ADAMTS20: variants seen among roughly 807,000 people sequenced by gnomAD.
ADAMTS20 encodes the protein ADAM metallopeptidase with thrombospondin type 1 motif 20, also known as A disintegrin and metalloproteinase with thrombospondin motifs 20.
Under a neutral mutation model 260.1 loss-of-function variants are expected in ADAMTS20, and 225 were observed. The observed-to-expected ratio is 0.87, with a 90% CI of 0.78 to 0.97. The LOEUF is 0.97. Among genes scored for constraint, ADAMTS20 ranks in the 50% least tolerant of loss-of-function variants. The pLI, the probability that ADAMTS20 is intolerant of heterozygous loss-of-function variation, is 0.00. For synonymous variants in ADAMTS20, 802 were observed against 769.5 expected (o/e 1.04, Z -0.70); for missense variants, 2,400 against 2,337.7 (o/e 1.03, Z -0.55).
chr12:43,461,815 C>T (rs531964782), intron 11 of ADAMTS20, among the ~76,000 whole-genome samples: 7 of 152,064 alleles, frequency 4.6e-5, no homozygotes, highest in African/African-American at 1.7e-4. Flanking sequence ...AACTCTTATC[C>T]ACCAAACAGA....
intron 5 of ADAMTS20, 128 bp from the exon 6 acceptor site, chr12:43,492,757 C>T: frequency 2.0e-6 from 2 of 1,002,454 alleles, no homozygotes; most frequent in Non-Finnish European, 2.9e-6. Flanking sequence ...GACAGCATCT[C>T]TTCTTCATAT....
intron 4 of ADAMTS20, among the ~76,000 whole-genome samples, chr12:43,493,594 C>A (rs1942637571): frequency 6.6e-6 from 1 of 152,136 alleles, no homozygotes; most frequent in African/African-American, 2.4e-5. Context: ...GATTCAGAGT[C>A]TGCACTTTAA....
intron 15 of ADAMTS20, among the ~76,000 whole-genome samples, chr12:43,446,183 CA>C (rs919351958): frequency 6.6e-6 from 1 of 151,654 alleles, no homozygotes; most frequent in African/African-American, 2.4e-5. Flanking sequence ...CAAGTCATAC[CA>C]AAAAAAGAAA....
At chr12:43,384,129 A>G (rs1424599605) in intron 29 of ADAMTS20, among the ~76,000 whole-genome samples, 152 bp from the exon 30 acceptor site, 2 of 152,244 alleles carry the variant, frequency 1.3e-5, no homozygotes, top group Non-Finnish European at 2.9e-5. Flanking sequence ...AAGTATTTTT[A>G]CCATTATCTC....
At chr12:43,358,338 TCTTAGTCCTCA>T (rs1456759958) in intron 37 of ADAMTS20, among the ~76,000 whole-genome samples, 1 of 152,198 alleles carries the variant, frequency 6.6e-6, no homozygotes, top group East Asian at 1.9e-4. Flanking sequence ...TTACTTCTGT[TCTTAGTCCTCA>T]CTTAGAAAGC....
intron 7 of ADAMTS20, among the ~76,000 whole-genome samples, chr12:43,472,804 C>T (rs1351670316): frequency 1.3e-5 from 2 of 151,332 alleles, no homozygotes; most frequent in South Asian, 4.2e-4. Context: ...TTTGTCACCA[C>T]CAAGCCTGCC....
chr12:43,492,230 A>T lies in ADAMTS20; in HGVS notation c.1076+275T>A, dbSNP rs544806827. ...CCCGTCTCTACTAAAAATACAAAAA[A>T]TTAGCCGGGCGTGGTGGCGGGCGCC... On this transcript the variant is annotated intron_variant, in intron 6 of 38. Coordinates refer to ENST00000389420, the MANE Select transcript of ADAMTS20 (RefSeq NM_025003.5). Among the ~76,000 whole-genome samples the T allele has an allele frequency of 5.0e-3, 753 of 151,964 alleles. 2 individuals carry two copies. Among genetic ancestry groups the T allele is most frequent in the Non-Finnish European group, 7.7e-3 (523 of 67,898 alleles).
intron 7 of ADAMTS20, among the ~76,000 whole-genome samples, chr12:43,470,237 A>G (rs985487280): frequency 6.6e-6 from 1 of 152,208 alleles, no homozygotes; most frequent in East Asian, 1.9e-4. Context: ...ATCCTACAGT[A>G]GGATTTATTA....
chr12:43,445,552 T>A (rs1206253756), intron 15 of ADAMTS20, among the ~76,000 whole-genome samples: 1 of 152,120 alleles, frequency 6.6e-6, no homozygotes, highest in African/African-American at 2.4e-5. Context: ...ACAGTCAGAC[T>A]GTAAAAAATA....
chr12:43,443,526 T>C lies in ADAMTS20; in HGVS notation c.2290+265A>G, dbSNP rs185596457. 4.4e-3 allele frequency among the ~76,000 whole-genome samples: 673 copies of C among 152,154 alleles called. 4 individuals carry two copies. Among genetic ancestry groups the C allele is most frequent in the Non-Finnish European group, 7.4e-3 (500 of 68,000 alleles). ...TATTCTAAATACACATGCAACTAAT[T>C]GAATATAATTTCTGGTTATCTAAAA... On this transcript the variant is annotated intron_variant, in intron 16 of 38. Coordinates refer to ENST00000389420, the MANE Select transcript of ADAMTS20 (RefSeq NM_025003.5).
intron 4 of ADAMTS20, among the ~76,000 whole-genome samples, chr12:43,499,486 AT>A (rs71091160): frequency 0.37 from 46,650 of 125,750 alleles, 8,649 homozygotes; most frequent in East Asian, 0.67. Flanking sequence ...GATGATACTG[AT>A]TTTTTTTTTT....
intron 7 of ADAMTS20, among the ~76,000 whole-genome samples, chr12:43,481,253 C>T (rs534222067): frequency 6.6e-6 from 1 of 151,984 alleles, no homozygotes; most frequent in Non-Finnish European, 1.5e-5. Context: ...TAATGGAACA[C>T]TAGGCCTAAA....
At chr12:43,497,317 A>G (rs933439532) in intron 4 of ADAMTS20, among the ~76,000 whole-genome samples, 1 of 152,192 alleles carries the variant, frequency 6.6e-6, no homozygotes, top group Admixed American at 6.5e-5. Context: ...ACAAATTGCT[A>G]TCACCATTAA....
At chr12:43,528,716 C>T (rs1450491877) in intron 3 of ADAMTS20, among the ~76,000 whole-genome samples, 1 of 151,958 alleles carries the variant, frequency 6.6e-6, no homozygotes, top group African/African-American at 2.4e-5. Context: ...AGAAGAAACC[C>T]TAGGGAAAAC....
chr12:43,462,933 C>T lies in ADAMTS20; in HGVS notation c.1576G>A (p.Val526Met), dbSNP rs963191880. The T allele has an allele frequency of 1.3e-5, 21 of 1,609,334 alleles. No individual in the cohort carries two copies. Among genetic ancestry groups the T allele is most frequent in the Middle Eastern group, 1.7e-4 (1 of 6,054 alleles). Residue 526 changes from valine to methionine, a missense_variant, in exon 11 of 39, where the codon GTG becomes ATG. By Grantham distance (21) the Val-to-Met change is conservative. Coordinates refer to ENST00000389420, the MANE Select transcript of ADAMTS20 (RefSeq NM_025003.5). ...KLHKGCFTQH[V>M]PPADGTDCGP... Reference sequence around the variant, plus strand: ...CAGTCTGTTCCATCTGCTGGTGGCACGTGTTGAGTGAAACAGCCTTTGTGA... The same window carrying T: ...CAGTCTGTTCCATCTGCTGGTGGCATGTGTTGAGTGAAACAGCCTTTGTGA...
chr12:43,418,867 C>A (rs1341236207), intron 28 of ADAMTS20, among the ~76,000 whole-genome samples: 4 of 152,106 alleles, frequency 2.6e-5, no homozygotes, highest in Non-Finnish European at 5.9e-5. Context: ...ATTATTTATA[C>A]TGGATTTGAA....
chr12:43,413,242 T>A (rs1941067903), intron 28 of ADAMTS20, among the ~76,000 whole-genome samples: 1 of 152,208 alleles, frequency 6.6e-6, no homozygotes, highest in African/African-American at 2.4e-5. Context: ...TCACACTATA[T>A]TTAATGACAT....
chr12:43,415,240 T>C (rs1941107070), intron 28 of ADAMTS20, among the ~76,000 whole-genome samples: 1 of 152,156 alleles, frequency 6.6e-6, no homozygotes, highest in Non-Finnish European at 1.5e-5. Flanking sequence ...ATTTCTGTGG[T>C]GCTGATGTTA....
intron 7 of ADAMTS20, among the ~76,000 whole-genome samples, chr12:43,474,534 C>CA (rs1276741175): frequency 0.018 from 2,056 of 114,478 alleles, 34 homozygotes; most frequent in East Asian, 0.055. Context: ...GAGACACAAC[C>CA]AAAAAAGAGA....
Sources: gnomAD v4.1 joint callset for allele counts (sites outside exome capture counted in the v4.1 genomes callset) on GRCh38, gnomAD v4.1.1 for gene constraint, MANE v1.5 for transcripts, NCBI Gene and HGNC (gene_info 2026-07-23, HGNC 2026-07-21) for gene names.